Variants in DPP10 observed in about 807,000 individuals in gnomAD.
The protein encoded by DPP10 is dipeptidyl peptidase like 10, also known as inactive dipeptidyl peptidase 10.
Under a neutral mutation model 120.9 loss-of-function variants are expected in DPP10, and 33 were observed. The observed-to-expected ratio is 0.27, with a 90% confidence interval of 0.21 to 0.37. DPP10 has a LOEUF of 0.37. Ranked by LOEUF, DPP10 falls within the 10% of genes least tolerant of loss-of-function variation. The probability of loss-of-function intolerance (pLI) is 1.00; values close to 1 mark genes in which losing one functional copy is unlikely to be tolerated. For synonymous variants in DPP10, 337 were observed against 326.1 expected, an observed-to-expected ratio of 1.03 and a Z score of -0.36; for missense variants, 816 against 942.8, an observed-to-expected ratio of 0.87 and a Z score of 1.76.
chr2:114,631,110 G>C (rs1401430840), intron 1 of DPP10, among the ~76,000 whole-genome samples: 1 of 152,156 alleles, frequency 6.6e-6, no homozygotes, highest in Admixed American at 6.6e-5. Flanking sequence ...GGGACCAAAT[G>C]TGACCAAGAT....
intron 10 of DPP10, among the ~76,000 whole-genome samples, chr2:115,747,405 G>C (rs934958654): frequency 3.9e-5 from 6 of 152,066 alleles, no homozygotes; most frequent in African/African-American, 1.4e-4. Context: ...CGTTACAAAT[G>C]AAACAATGAT....
intron 1 of DPP10, among the ~76,000 whole-genome samples, chr2:114,800,931 T>C (rs1338536147): frequency 1.1e-5 from 1 of 91,560 alleles, no homozygotes; most frequent in East Asian, 4.6e-4. Context: ...AGGAAAAAAA[T>C]GGGAATTAAA....
intron 1 of DPP10, among the ~76,000 whole-genome samples, chr2:114,450,916 T>C (rs1386228845): frequency 6.6e-6 from 1 of 152,040 alleles, no homozygotes; most frequent in African/African-American, 2.4e-5. Context: ...AGTGAGGCTT[T>C]TTATAATCAG....
intron 1 of DPP10, among the ~76,000 whole-genome samples, chr2:115,274,780 A>G (rs1260778217): frequency 6.6e-6 from 1 of 152,220 alleles, no homozygotes; most frequent in Non-Finnish European, 1.5e-5. Flanking sequence ...CCTTTATGCA[A>G]TTTATTACTT....
intron 1 of DPP10, among the ~76,000 whole-genome samples, chr2:114,664,667 T>C (rs1697765970): frequency 6.6e-6 from 1 of 151,728 alleles, no homozygotes; most frequent in African/African-American, 2.4e-5. Context: ...GAAATTCATC[T>C]TTCTTTTTTT....
intron 1 of DPP10, among the ~76,000 whole-genome samples, chr2:115,071,866 A>AT (rs928407556): frequency 1.7e-4 from 26 of 151,120 alleles, no homozygotes; most frequent in Admixed American, 7.3e-4. Context: ...AGTTTCCATT[A>AT]TTTTTTTTTC....
At chr2:114,599,111 GGTTACAGGTGTATACATAACTT>G (rs1692159454) in intron 1 of DPP10, among the ~76,000 whole-genome samples, 1 of 151,786 alleles carries the variant, frequency 6.6e-6, no homozygotes, top group Non-Finnish European at 1.5e-5. Flanking sequence ...TGGAGGAGGA[GGTTACAGGTGTATACATAACTT>G]GTTAGTTATG....
At chr2:114,666,033 T>G (rs766153024) in intron 1 of DPP10, among the ~76,000 whole-genome samples, 43 of 152,292 alleles carry the variant, frequency 2.8e-4, no homozygotes, top group Non-Finnish European at 5.3e-4. Flanking sequence ...ACACACCAAG[T>G]ACCATCATTT....
intron 1 of DPP10, among the ~76,000 whole-genome samples, chr2:114,806,006 G>A (rs570212997): frequency 1.2e-4 from 18 of 152,214 alleles, no homozygotes; most frequent in Admixed American, 3.3e-4. Context: ...ACCATTAAAA[G>A]CCTATCTTTT....
chr2:115,272,481 C>T (rs1319498594), intron 1 of DPP10, among the ~76,000 whole-genome samples: 1 of 152,130 alleles, frequency 6.6e-6, no homozygotes, highest in East Asian at 1.9e-4. Flanking sequence ...CTTGAGCCAC[C>T]AAAAAGGAAA....
At position 115,238,550 on chromosome 2, in the gene DPP10, T is replaced by G. The variant is rs528578112; in HGVS notation, c.61-70689T>G. 2.6e-5 allele frequency among the ~76,000 whole-genome samples: 4 copies of G among 152,210 alleles called. No homozygotes were observed. In the South Asian group the frequency reaches 8.3e-4, roughly 32 times the overall value. ...GAATGACTTTGAGTGGCTCGAGACT[T>G]TAGTGAAGGAATTAGCTGCAGAGGT... On this transcript the variant is annotated intron_variant, in intron 1 of 25. Coordinates refer to ENST00000410059, the MANE Select transcript of DPP10 (RefSeq NM_020868.6).
intron 1 of DPP10, among the ~76,000 whole-genome samples, chr2:115,170,951 C>T (rs2053272308): frequency 6.6e-6 from 1 of 152,310 alleles, no homozygotes; most frequent in South Asian, 2.1e-4. Context: ...ACTTCTCGTT[C>T]CTTCATCTCT....
At chr2:115,039,820 C>T (rs7568002) in intron 1 of DPP10, among the ~76,000 whole-genome samples, 2 of 152,112 alleles carry the variant, frequency 1.3e-5, no homozygotes, top group East Asian at 1.9e-4. Context: ...GCCATCAAGT[C>T]GTCTGCCTGC....
chr2:114,598,327 G>C (rs186724862), intron 1 of DPP10, among the ~76,000 whole-genome samples: 1 of 152,002 alleles, frequency 6.6e-6, no homozygotes, highest in Admixed American at 6.6e-5. Context: ...TGATCAAACT[G>C]TGCCTTAAGA....
intron 21 of DPP10, among the ~76,000 whole-genome samples, chr2:115,823,479 G>T (rs1382252389): frequency 6.6e-6 from 1 of 152,082 alleles, no homozygotes; most frequent in Non-Finnish European, 1.5e-5. Context: ...GACCCATTGT[G>T]GATTTTGTTT....
At chr2:115,111,217 T>C (rs1461022015) in intron 1 of DPP10, among the ~76,000 whole-genome samples, 1 of 152,028 alleles carries the variant, frequency 6.6e-6, no homozygotes, top group Non-Finnish European at 1.5e-5. Context: ...ATCCTCTCAC[T>C]TTCTTTCTTG....
chr2:115,369,990 T>A (rs1021747259), intron 3 of DPP10, among the ~76,000 whole-genome samples: 3 of 152,036 alleles, frequency 2.0e-5, no homozygotes, highest in Non-Finnish European at 4.4e-5. Context: ...AAAACTTGGG[T>A]TCTAAAGACA....
chr2:114,967,188 T>C (rs1217324193), intron 1 of DPP10, among the ~76,000 whole-genome samples: 2 of 152,204 alleles, frequency 1.3e-5, no homozygotes, highest in Non-Finnish European at 2.9e-5. Flanking sequence ...AACATTCTTA[T>C]TTTAATAAAA....
Position 115,448,137 on chromosome 2 carries a change from A to T in DPP10, c.272-51373A>T, listed in dbSNP as rs550388789. On this transcript the variant is annotated intron_variant, in intron 3 of 25. Coordinates refer to ENST00000410059, the MANE Select transcript of DPP10 (RefSeq NM_020868.6). ...TGAATGAGATTGTTGATTTATGGGAACGGTGAAGTTTTGGAAAATACACAG... is the reference window on the plus strand; with the variant it reads ...TGAATGAGATTGTTGATTTATGGGATCGGTGAAGTTTTGGAAAATACACAG... 8.5e-5 allele frequency among the ~76,000 whole-genome samples: 13 copies of T among 152,288 alleles called. No individual in the cohort carries two copies. The East Asian group carries it at 2.3e-3, about 27-fold the overall frequency.
Sources: gnomAD v4.1 joint callset for allele counts (sites outside exome capture counted in the v4.1 genomes callset) on GRCh38, gnomAD v4.1.1 for gene constraint, MANE v1.5 for transcripts, NCBI Gene and HGNC (gene_info 2026-07-23, HGNC 2026-07-21) for gene names.